Variants in MDGA2 observed in about 807,000 individuals in gnomAD.
MDGA2 encodes MAM domain-containing glycosylphosphatidylinositol anchor protein 2.
In MDGA2, 40 loss-of-function variants were observed where a neutral mutation model predicts 117.8. The ratio of observed to expected loss-of-function variants is 0.34; its 90% CI spans 0.26 to 0.44. The LOEUF is 0.44. MDGA2 is among the 20% of genes least tolerant of loss of function. The probability of loss-of-function intolerance (pLI) is 1.00; values close to 1 mark genes in which losing one functional copy is unlikely to be tolerated. For missense variants in MDGA2, 1,123 were observed against 1,250.6 expected, an observed-to-expected ratio of 0.90 and a Z score of 1.54; for synonymous variants, 452 against 439.0, an observed-to-expected ratio of 1.03 and a Z score of -0.37.
At chr14:47,255,007 TC>T (rs1169525486) in intron 2 of MDGA2, among the ~76,000 whole-genome samples, 6 of 151,996 alleles carry the variant, frequency 3.9e-5, no homozygotes, top group African/African-American at 1.5e-4. Context: ...GAGCGAAACC[TC>T]CCCCATGATT....
chr14:47,633,858 C>T (rs1041296804), intron 1 of MDGA2, among the ~76,000 whole-genome samples: 3 of 152,086 alleles, frequency 2.0e-5, no homozygotes, highest in African/African-American at 7.2e-5. Flanking sequence ...GCTAAAGGAT[C>T]CTGAGTTTTG....
chr14:47,163,401 T>A (rs1883723541), intron 3 of MDGA2, among the ~76,000 whole-genome samples: 1 of 152,036 alleles, frequency 6.6e-6, no homozygotes, highest in Non-Finnish European at 1.5e-5. Flanking sequence ...CATGACTGAA[T>A]CATGATGGTG....
intron 4 of MDGA2, 113 bp from the exon 5 acceptor site, chr14:47,131,959 CAGA>C: frequency 6.1e-6 from 5 of 823,390 alleles, no homozygotes; most frequent in East Asian, 2.9e-5. Flanking sequence ...CAGAATATGA[CAGA>C]CTGTCTTTTT....
At chr14:47,321,667 G>A (rs1007141530) in intron 1 of MDGA2, among the ~76,000 whole-genome samples, 1 of 152,234 alleles carries the variant, frequency 6.6e-6, no homozygotes, top group Non-Finnish European at 1.5e-5. Flanking sequence ...AGAGAAAAAA[G>A]AAAAACTACA....
At chr14:47,268,906 T>G (rs1391642879) in intron 2 of MDGA2, among the ~76,000 whole-genome samples, 1 of 151,290 alleles carries the variant, frequency 6.6e-6, no homozygotes, top group African/African-American at 2.4e-5. Context: ...AAAATATGAT[T>G]TAAATAAATA....
At chr14:47,550,305 T>C (rs976108732) in intron 1 of MDGA2, among the ~76,000 whole-genome samples, 2 of 152,248 alleles carry the variant, frequency 1.3e-5, no homozygotes, top group African/African-American at 4.8e-5. Context: ...TTTATTTTCT[T>C]TACTAGTGAC....
chr14:47,113,842 A>G (rs1256703502), intron 5 of MDGA2, among the ~76,000 whole-genome samples: 1 of 152,108 alleles, frequency 6.6e-6, no homozygotes, highest in East Asian at 1.9e-4. Flanking sequence ...CTTGAAAATC[A>G]GCACAAGACA....
chr14:47,602,127 A>T (rs757311815), intron 1 of MDGA2, among the ~76,000 whole-genome samples: 2 of 152,188 alleles, frequency 1.3e-5, no homozygotes, highest in Middle Eastern at 3.2e-3. Context: ...ATGCTAACAA[A>T]CTATTTTTTT....
chr14:47,534,309 G>A (rs896400208), intron 1 of MDGA2, among the ~76,000 whole-genome samples: 21 of 152,148 alleles, frequency 1.4e-4, no homozygotes, highest in African/African-American at 4.8e-4. Flanking sequence ...AATGAAAAGG[G>A]CTGGCTTTAG....
intron 2 of MDGA2, among the ~76,000 whole-genome samples, chr14:47,297,914 A>G (rs969028445): frequency 4.6e-5 from 7 of 152,190 alleles, no homozygotes; most frequent in Non-Finnish European, 7.4e-5. Flanking sequence ...CTGAAAAATA[A>G]TAAAGCCAAC....
At chr14:47,345,291 G>T (rs1044080692) in intron 1 of MDGA2, among the ~76,000 whole-genome samples, 1 of 152,046 alleles carries the variant, frequency 6.6e-6, no homozygotes, top group Non-Finnish European at 1.5e-5. Flanking sequence ...ATGGTCTTCA[G>T]CCTGTCCCCT....
In MDGA2 at chr14:47,061,419, G is replaced by A. The variant is rs376644289; in HGVS notation, c.1355C>T (p.Ser452Phe). Residue 452 changes from serine to phenylalanine, a missense_variant, in exon 7 of 17, where the codon TCT (serine) becomes TTT (phenylalanine). Physicochemically the swap from Ser to Phe is radical, Grantham distance 155. Coordinates refer to ENST00000399232, the MANE Select transcript of MDGA2 (RefSeq NM_001113498.3). ...AGTCTGTGTAATGACCATCCGCTCA[G>A]AACTTCTTAATGGACGACCATTTTT... is the stretch of plus-strand genomic sequence containing the variant. ...WFKNGRPLRS[S>F]ERMVITQTDP... 2 of 1,613,540 alleles carry A rather than the reference G, an allele frequency of 1.2e-6. No individual in the cohort carries two copies. The highest frequency in any genetic ancestry group is 2.7e-5 in the African/African-American group (2 of 74,886).
chr14:47,228,462 C>T (rs1460009367), intron 2 of MDGA2, among the ~76,000 whole-genome samples: 1 of 152,108 alleles, frequency 6.6e-6, no homozygotes, highest in Admixed American at 6.6e-5. Flanking sequence ...CAATAAATTA[C>T]AGTAGATACT....
chr14:47,613,406 T>C (rs1896887753), intron 1 of MDGA2, among the ~76,000 whole-genome samples: 2 of 151,948 alleles, frequency 1.3e-5, no homozygotes, highest in South Asian at 4.1e-4. Flanking sequence ...GGAATGCATA[T>C]TTTGGGGAGG....
chr14:47,494,163 C>T (rs1336031417), intron 1 of MDGA2, among the ~76,000 whole-genome samples: 4 of 152,142 alleles, frequency 2.6e-5, no homozygotes, highest in South Asian at 2.1e-4. Flanking sequence ...CTTCCCCAGC[C>T]GTACTGAACT....
At chr14:47,364,188 A>T (rs1891183026) in intron 1 of MDGA2, among the ~76,000 whole-genome samples, 3 of 152,202 alleles carry the variant, frequency 2.0e-5, no homozygotes, top group Admixed American at 1.3e-4. Flanking sequence ...AATATCTATG[A>T]GTCATATCTA....
At chr14:47,010,494 T>C (rs1887861597) in intron 8 of MDGA2, among the ~76,000 whole-genome samples, 1 of 152,114 alleles carries the variant, frequency 6.6e-6, no homozygotes, top group Non-Finnish European at 1.5e-5. Flanking sequence ...TAATCATTTT[T>C]TTCTTTAATT....
intron 2 of MDGA2, among the ~76,000 whole-genome samples, chr14:47,221,374 T>C (rs1407405959): frequency 6.6e-6 from 1 of 152,102 alleles, no homozygotes; most frequent in Non-Finnish European, 1.5e-5. Flanking sequence ...AAAAAATCAG[T>C]TTCATTAATG....
At chr14:47,222,911 G>A (rs1247189788) in intron 2 of MDGA2, among the ~76,000 whole-genome samples, 1 of 152,156 alleles carries the variant, frequency 6.6e-6, no homozygotes, top group Admixed American at 6.5e-5. Flanking sequence ...CATGAATACA[G>A]TTGTACGAGT....
Sources: gnomAD v4.1 joint callset for allele counts (sites outside exome capture counted in the v4.1 genomes callset) on GRCh38, gnomAD v4.1.1 for gene constraint, MANE v1.5 for transcripts, NCBI Gene and HGNC (gene_info 2026-07-23, HGNC 2026-07-21) for gene names.